Variants in STARD9 observed in about 807,000 individuals in gnomAD.
The protein encoded by STARD9 is StAR related lipid transfer domain containing 9, also known as stAR-related lipid transfer protein 9.
Under a neutral mutation model 399.8 loss-of-function variants are expected in STARD9, and 346 were observed. That is an observed-to-expected ratio of 0.87 (90% confidence interval 0.79 to 0.95). The LOEUF is 0.95. Ranked by LOEUF, STARD9 falls within the 40% of genes least tolerant of loss-of-function variation. STARD9 has a pLI of 0.00. For synonymous variants in STARD9, 2,203 were observed against 2,143.5 expected (o/e 1.03, Z -0.77); for missense variants, 5,832 against 5,667.5 (o/e 1.03, Z -0.93).
At chr15:42,620,767 A>ATTTTATTTTATTTTT in intron 3 of STARD9, among the ~76,000 whole-genome samples, 1 of 150,392 alleles carries the variant, frequency 6.6e-6, no homozygotes, top group African/African-American at 2.5e-5. Context: ...ATTTTATTTT[A>ATTTTATTTTATTTTT]TTTTGGAGAC....
chr15:42,663,868 GAT>G lies in STARD9; in HGVS notation c.1130_1131del (p.Tyr377CysfsTer15), dbSNP rs2060037789. On this transcript the variant is annotated frameshift_variant, in exon 13 of 33. Coordinates refer to ENST00000290607, the MANE Select transcript of STARD9 (RefSeq NM_020759.3). LOFTEE classifies it high-confidence loss of function. Reference sequence around the variant, plus strand: ...TACAGTGAGACCATGAGCACACTGAGATATGCATCCAGTGCCAAAAACATTAT... The same window carrying G: ...TACAGTGAGACCATGAGCACACTGAGATGCATCCAGTGCCAAAAACATTAT... 1.3e-6 allele frequency: 2 copies of G among 1,537,094 alleles called. No individual in the cohort carries two copies. Among genetic ancestry groups the G allele is most frequent in the South Asian group, 1.2e-5 (1 of 84,056 alleles).
rs1263471297 is a variant in STARD9, at chr15:42,663,308, G to T, written c.896G>T (p.Cys299Phe). 2 of 1,535,628 alleles carry T rather than the reference G, an allele frequency of 1.3e-6. No homozygotes were observed. The highest frequency in any genetic ancestry group is 2.7e-5 in the African/African-American group (2 of 73,014). ...CAGAACTCCCAAGTTTTCAGCAGCT[G>T]CCAGAGCCTCAACAGCTCAGTCAGC... Reference protein sequence around the residue: ...LAQNSQVFSSCQSLNSSVSNG... With the variant: ...LAQNSQVFSSFQSLNSSVSNG... The change falls in exon 12 of 33, where the codon TGC becomes TTC. Residue 299 changes from cysteine to phenylalanine, a missense_variant. By Grantham distance (205) the Cys-to-Phe change is radical. Coordinates refer to ENST00000290607, the MANE Select transcript of STARD9 (RefSeq NM_020759.3).
At chr15:42,651,488 T>C (rs2059761839) in intron 8 of STARD9, among the ~76,000 whole-genome samples, 1 of 152,168 alleles carries the variant, frequency 6.6e-6, no homozygotes, top group African/African-American at 2.4e-5. Flanking sequence ...ACTTATAAGG[T>C]AGCCCCTCAA....
intron 15 of STARD9, 117 bp downstream of exon 15, chr15:42,665,965 T>C: frequency 1.2e-6 from 1 of 836,182 alleles, no homozygotes; most frequent in South Asian, 1.5e-5. Context: ...CTCATTTAAA[T>C]ACAATGTTTG....
chr15:42,585,491 A>G (rs772308044), intron 2 of STARD9, 30 bp from the exon 3 acceptor site: 1 of 1,458,460 alleles, frequency 6.9e-7, no homozygotes, highest in South Asian at 1.2e-5. Flanking sequence ...TTATGATAGA[A>G]AAGACACTGG....
intron 16 of STARD9, chr15:42,670,258 A>T (rs542703236): frequency 1.3e-5 from 2 of 152,322 alleles, no homozygotes; most frequent in African/African-American, 4.8e-5. Flanking sequence ...AGCTTAAAAC[A>T]TAGGGAGGGT....
chr15:42,588,903 C>T (rs574842711), intron 3 of STARD9, among the ~76,000 whole-genome samples: 1 of 147,636 alleles, frequency 6.8e-6, no homozygotes, highest in Admixed American at 7.0e-5. Context: ...CAACCTCCGC[C>T]TCCTGGGTTC....
intron 26 of STARD9, among the ~76,000 whole-genome samples, chr15:42,696,871 T>C (rs1169143016): frequency 6.6e-6 from 1 of 152,166 alleles, no homozygotes; most frequent in Non-Finnish European, 1.5e-5. Context: ...CCAGGTTTTG[T>C]GTGGGAGATG....
intron 15 of STARD9, among the ~76,000 whole-genome samples, chr15:42,667,024 A>T (rs1297531229): frequency 6.6e-6 from 1 of 152,130 alleles, no homozygotes; most frequent in African/African-American, 2.4e-5. Context: ...CACATTGGCC[A>T]GGCTGGTGTC....
intron 26 of STARD9, among the ~76,000 whole-genome samples, chr15:42,705,197 C>G (rs543881001): frequency 2.6e-5 from 4 of 152,350 alleles, no homozygotes; most frequent in African/African-American, 9.6e-5. Flanking sequence ...TGTCTCTCAT[C>G]ACTACCTAGG....
intron 7 of STARD9, among the ~76,000 whole-genome samples, chr15:42,650,012 A>G (rs530439885): frequency 6.6e-6 from 1 of 151,862 alleles, no homozygotes; most frequent in South Asian, 2.1e-4. Context: ...GATTACAGGC[A>G]TGCACCAACA....
chr15:42,695,035 G>A (rs2060810457), intron 24 of STARD9, 105 bp from the exon 25 acceptor site: 1 of 964,268 alleles, frequency 1.0e-6, no homozygotes, highest in Non-Finnish European at 1.5e-6. Context: ...GGCAAATGGA[G>A]GTTGGGTCTT....
intron 9 of STARD9, among the ~76,000 whole-genome samples, chr15:42,658,459 AC>A (rs1397599590): frequency 7.0e-6 from 1 of 142,182 alleles, no homozygotes; most frequent in Non-Finnish European, 1.5e-5. Context: ...TACAGGCATG[AC>A]CCACCATGCC....
chr15:42,665,983 T>A, intron 15 of STARD9, 135 bp downstream of exon 15: 1 of 753,924 alleles, frequency 1.3e-6, no homozygotes, highest in Non-Finnish European at 2.2e-6. Flanking sequence ...TTGTTTCCTT[T>A]AAGCCTTGAC....
At chr15:42,700,565 A>AT (rs1347342737) in intron 26 of STARD9, among the ~76,000 whole-genome samples, 1 of 152,142 alleles carries the variant, frequency 6.6e-6, no homozygotes, top group Non-Finnish European at 1.5e-5. Context: ...CCTGTTGGCC[A>AT]TTTGAATGTC....
At position 42,651,036 on chromosome 15, in the gene STARD9, A is replaced by G. The variant is rs1418073737; in HGVS notation, c.580A>G (p.Thr194Ala). 2.6e-6 allele frequency: 4 copies of G among 1,534,230 alleles called. No homozygotes were observed. Among genetic ancestry groups the G allele is most frequent in the Non-Finnish European group, 2.6e-6 (3 of 1,144,924 alleles). The change falls in exon 8 of 33, where the codon ACC becomes GCC. Residue 194 changes from threonine (T) to alanine (A), a missense_variant. Physicochemically the swap from Thr to Ala is moderately conservative, Grantham distance 58 (BLOSUM62 0). Coordinates refer to ENST00000290607, the MANE Select transcript of STARD9 (RefSeq NM_020759.3). The stretch of plus-strand genomic sequence containing the variant: ...GATAGGTTTATCTCAACATGTAGTT[A>G]CCAATTATAAGCAAGTAATCCAACT... ...YVQGLSQHVV[T>A]NYKQVIQLLE...
At chr15:42,680,906 G>C (rs142201011) in intron 20 of STARD9, among the ~76,000 whole-genome samples, 1 of 152,264 alleles carries the variant, frequency 6.6e-6, no homozygotes, top group African/African-American at 2.4e-5. Context: ...CGTGGTGTGT[G>C]TATAAATTAT....
intron 9 of STARD9, among the ~76,000 whole-genome samples, chr15:42,654,282 C>A (rs776894445): frequency 8.6e-5 from 13 of 151,976 alleles, no homozygotes; most frequent in African/African-American, 2.9e-4. Flanking sequence ...GTGTGAATTG[C>A]CTAAGGTACA....
intron 32 of STARD9, 56 bp downstream of exon 32, chr15:42,718,966 C>T: frequency 6.7e-7 from 1 of 1,490,932 alleles, no homozygotes; most frequent in East Asian, 2.5e-5. Flanking sequence ...TCCCACAGCC[C>T]CCTGGGATTT....
Sources: allele counts gnomAD v4.1 joint callset (sites outside exome capture counted in the v4.1 genomes callset), GRCh38; gene constraint gnomAD v4.1.1; transcripts MANE v1.5; gene names NCBI Gene and HGNC (gene_info 2026-07-23, HGNC 2026-07-21).